The following KIAA0586 variants were observed in gnomAD, a reference collection of about 807,000 sequenced individuals.
The protein encoded by KIAA0586 is protein TALPID3.
In KIAA0586, 144 loss-of-function variants were observed where a neutral mutation model predicts 169.8. The ratio of observed to expected loss-of-function variants is 0.85; its 90% CI spans 0.74 to 0.97. The LOEUF (loss-of-function observed/expected upper bound fraction) is 0.97. KIAA0586 is among the 50% of genes least tolerant of loss of function. The probability of loss-of-function intolerance (pLI) is 0.00; values close to 1 mark genes in which losing one functional copy is unlikely to be tolerated. For synonymous variants in KIAA0586, 625 were observed against 612.4 expected, an observed-to-expected ratio of 1.02 and a Z score of -0.30; for missense variants, 1,854 against 1,823.0, an observed-to-expected ratio of 1.02 and a Z score of -0.31.
At chr14:58,455,290 T>C (rs1639630293) in intron 9 of KIAA0586, among the ~76,000 whole-genome samples, 1 of 152,262 alleles carries the variant, frequency 6.6e-6, no homozygotes, top group African/African-American at 2.4e-5. Context: ...AGCTGATTTA[T>C]AGTCTTTGCC....
chr14:58,516,084 G>C (rs966547374), intron 29 of KIAA0586, among the ~76,000 whole-genome samples: 70 of 152,266 alleles, frequency 4.6e-4, no homozygotes, highest in African/African-American at 1.6e-3. Flanking sequence ...AAGCAGATAA[G>C]AAGTATTTGG....
At chr14:58,542,372 G>A (rs1029153819) in intron 30 of KIAA0586, among the ~76,000 whole-genome samples, 1 of 152,038 alleles carries the variant, frequency 6.6e-6, no homozygotes, top group African/African-American at 2.4e-5. Context: ...AGCTACTCAG[G>A]AGGCTGAGGC....
chr14:58,487,271 C>A, intron 22 of KIAA0586, 105 bp downstream of exon 22: 2 of 1,014,790 alleles, frequency 2.0e-6, no homozygotes, highest in Non-Finnish European at 2.8e-6. Context: ...ATCATTTTTT[C>A]TCACAAGGAA....
chr14:58,557,550 GA>G, the KIAA0586 span, among the ~76,000 whole-genome samples: 1 of 152,180 alleles, frequency 6.6e-6, no homozygotes, highest in East Asian at 1.9e-4. Flanking sequence ...TAGGCAGGGA[GA>G]GTACATTGTA....
intron 27 of KIAA0586, among the ~76,000 whole-genome samples, chr14:58,507,545 T>A (rs933070301): frequency 6.6e-6 from 1 of 151,724 alleles, no homozygotes; most frequent in Non-Finnish European, 1.5e-5. Context: ...AGCTCTTTGA[T>A]TTTGGACAGT....
chr14:58,435,152 A>C (rs1313254816), intron 4 of KIAA0586, among the ~76,000 whole-genome samples: 3 of 152,084 alleles, frequency 2.0e-5, no homozygotes, highest in Non-Finnish European at 2.9e-5. Context: ...TTTCAAGCTT[A>C]AGGAATAGAA....
At chr14:58,544,949 C>A (rs1397671157) in intron 30 of KIAA0586, among the ~76,000 whole-genome samples, 1 of 152,214 alleles carries the variant, frequency 6.6e-6, no homozygotes, top group Non-Finnish European at 1.5e-5. Context: ...TCATTGCCTT[C>A]CCACCATCTT....
Position 58,465,378 on chromosome 14 carries a change from A to G in KIAA0586, c.2060-457A>G, listed in dbSNP as rs562655667. 7.2e-5 allele frequency among the ~76,000 whole-genome samples: 11 copies of G among 152,368 alleles called. No homozygotes were observed. In the East Asian group the frequency reaches 1.9e-3, roughly 27 times the overall value. ...TAACTTTTTCGTACCTATGGAAAAA[A>G]ATTTAAAGAATTCAAACATTGTTGG... is the stretch of plus-strand genomic sequence containing the variant. On this transcript the variant is annotated intron_variant, in intron 14 of 30. Coordinates refer to ENST00000652326, the MANE Select transcript of KIAA0586 (RefSeq NM_001329943.3).
Position 58,482,842 on chromosome 14 carries a change from C to T in KIAA0586, c.3144+130C>T, listed in dbSNP as rs186337875. 1.8e-3 allele frequency: 1,194 copies of T among 649,464 alleles called. 2 individuals carry two copies. The highest frequency in any genetic ancestry group is 2.6e-3 in the Admixed American group (66 of 25,002). 40.2% of individuals were successfully genotyped at this position (649,464 alleles called of 1,614,324 possible). ...TTAGAGACATGGTCTTTATTTATTGCCCTGGCTGGTCTTGAAGTTCTGGGC... is the reference window on the plus strand; with the variant it reads ...TTAGAGACATGGTCTTTATTTATTGTCCTGGCTGGTCTTGAAGTTCTGGGC... On this transcript the variant is annotated intron_variant, in intron 21 of 30. Coordinates refer to ENST00000652326, the MANE Select transcript of KIAA0586 (RefSeq NM_001329943.3).
intron 26 of KIAA0586, among the ~76,000 whole-genome samples, chr14:58,498,375 C>T (rs1359227155): frequency 2.6e-5 from 4 of 152,006 alleles, no homozygotes; most frequent in East Asian, 1.9e-4. Context: ...AGGGTTTCGC[C>T]ATGTTGCCTA....
At chr14:58,444,563 A>G (rs2038690770) in intron 6 of KIAA0586, among the ~76,000 whole-genome samples, 1 of 152,046 alleles carries the variant, frequency 6.6e-6, no homozygotes, top group Admixed American at 6.6e-5. Flanking sequence ...AGTTGGGATT[A>G]CAGGCGCACA....
chr14:58,434,613 T>C (rs1474628680), intron 4 of KIAA0586, among the ~76,000 whole-genome samples: 1 of 152,226 alleles, frequency 6.6e-6, no homozygotes, highest in Non-Finnish European at 1.5e-5. Context: ...CCTAGTTCTT[T>C]AAATAAGTTA....
At chr14:58,486,950 A>C in intron 21 of KIAA0586, 57 bp from the exon 22 acceptor site, 1 of 1,403,892 alleles carries the variant, frequency 7.1e-7, no homozygotes, top group Admixed American at 2.1e-5. Context: ...TATTATTTTC[A>C]AATTACTTTT....
In KIAA0586 at chr14:58,468,036, C is replaced by T. The variant is rs1474195483; in HGVS notation, c.2442+114C>T. 1.1e-5 allele frequency: 7 copies of T among 631,784 alleles called. No homozygotes were observed. In the Admixed American group the frequency reaches 1.7e-4, roughly 15 times the overall value. The allele number at this position is 631,784 out of a possible 1,614,324, so 39.1% of individuals were successfully genotyped here. On this transcript the variant is annotated intron_variant, in intron 16 of 30. Transcript: ENST00000652326. ...AAAAATATTGCTTTTGATCATGACT[C>T]TTTTTTTTAAATTTATTTTTATTTT...
intron 28 of KIAA0586, among the ~76,000 whole-genome samples, chr14:58,511,688 GTTA>G (rs1164296452): frequency 6.6e-6 from 1 of 152,144 alleles, no homozygotes; most frequent in Non-Finnish European, 1.5e-5. Flanking sequence ...GTTAAGGCTA[GTTA>G]TTATTACTGC....
At chr14:58,442,155 G>A (rs912078304) in intron 4 of KIAA0586, among the ~76,000 whole-genome samples, 4 of 152,028 alleles carry the variant, frequency 2.6e-5, no homozygotes, top group Non-Finnish European at 4.4e-5. Flanking sequence ...TGTCACCCAG[G>A]CTGGAGTGCA....
intron 21 of KIAA0586, among the ~76,000 whole-genome samples, chr14:58,484,603 A>G (rs2042240185): frequency 6.6e-6 from 1 of 151,734 alleles, no homozygotes; most frequent in Non-Finnish European, 1.5e-5. Context: ...TCCTTTCATC[A>G]TGATGAGTTA....
intron 29 of KIAA0586, chr14:58,521,059 G>A (rs1173382781): frequency 2.2e-5 from 9 of 404,364 alleles, no homozygotes; most frequent in African/African-American, 1.2e-4. Context: ...AAGACTGAGC[G>A]GTTGTGGCCG....
Position 58,547,320 on chromosome 14 carries a change from A to C in KIAA0586, c.4496-461A>C, listed in dbSNP as rs201627419. Among the ~76,000 whole-genome samples the C allele has an allele frequency of 1.8e-4, 27 of 152,260 alleles. No homozygotes were observed. The East Asian group carries it at 4.4e-3, about 25-fold the overall frequency. ...AGTTTTTGACCACTTACTGAGTGCTAAGCTCTGTTGTTGAGCTCTTCACTG... is the reference window on the plus strand; with the variant it reads ...AGTTTTTGACCACTTACTGAGTGCTCAGCTCTGTTGTTGAGCTCTTCACTG... On this transcript the variant is annotated intron_variant, in intron 30 of 30. Transcript: ENST00000652326.
Sources: allele counts gnomAD v4.1 joint callset (sites outside exome capture counted in the v4.1 genomes callset), GRCh38; gene constraint gnomAD v4.1.1; transcripts MANE v1.5; gene names NCBI Gene and HGNC (gene_info 2026-07-23, HGNC 2026-07-21).